AKAP6: variants seen among roughly 807,000 people sequenced by gnomAD.
AKAP6 encodes the protein A-kinase anchor protein 6.
AKAP6 carries 58 observed loss-of-function variants against 188.5 expected under a neutral mutation model. The observed-to-expected ratio is 0.31, with a 90% confidence interval of 0.25 to 0.38. The LOEUF is 0.38. Among genes scored for constraint, AKAP6 ranks in the 10% least tolerant of loss-of-function variants. The pLI is 1.00. For missense variants in AKAP6, 2,710 were observed against 2,740.0 expected, an observed-to-expected ratio of 0.99 and a Z score of 0.24; for synonymous variants, 989 against 998.6, an observed-to-expected ratio of 0.99 and a Z score of 0.18.
rs150110782 is a variant in AKAP6, at chr14:32,822,279, G to A, written c.4466G>A (p.Ser1489Asn). Reference sequence around the variant, plus strand: ...CCAATGATAATGAAACAGTCACAAAGCGAAAAAGCGCATGTGGAGGATCCC... The same window carrying A: ...CCAATGATAATGAAACAGTCACAAAACGAAAAAGCGCATGTGGAGGATCCC... ...KLPMIMKQSQ[S>N]EKAHVEDPLL... Residue 1489 changes from serine (S) to asparagine (N), a missense_variant, in exon 13 of 14, where the codon AGC (serine) becomes AAC (asparagine). Around this residue, in one of 2 missense-constraint regions of AKAP6, gnomAD observed 2,473 missense variants for 2,426.1 expected, o/e 1.02. Transcript: ENST00000280979. The A allele has an allele frequency of 1.4e-3, 2,201 of 1,613,748 alleles. 26 individuals are homozygous for A. In the African/African-American group the frequency reaches 0.025, roughly 19 times the overall value.
intron 7 of AKAP6, among the ~76,000 whole-genome samples, chr14:32,628,937 G>A (rs566003789): frequency 1.1e-4 from 17 of 152,120 alleles, no homozygotes; most frequent in Non-Finnish European, 1.8e-4. Context: ...TTTACCATTC[G>A]TGATTTATAA....
In AKAP6 at chr14:32,429,013, G is replaced by A. The variant is rs547209260; in HGVS notation, c.-34-4447G>A. Among the ~76,000 whole-genome samples the A allele has an allele frequency of 2.6e-5, 4 of 152,300 alleles. No individual in the cohort carries two copies. The East Asian group carries it at 7.7e-4, about 29-fold the overall frequency. On this transcript the variant is annotated intron_variant, in intron 1 of 13. Transcript: ENST00000280979. ...CAGCTGGGATAAAGGTGGTATTATC[G>A]CTAATGCTGGAAAGGTGGCCGCAGA...
intron 2 of AKAP6, among the ~76,000 whole-genome samples, chr14:32,499,626 GTAA>G (rs1213888992): frequency 6.6e-6 from 1 of 151,692 alleles, no homozygotes; most frequent in African/African-American, 2.4e-5. Context: ...TTTTGACACT[GTAA>G]TAATAATATT....
At chr14:32,760,349 A>T (rs1349410240) in intron 11 of AKAP6, among the ~76,000 whole-genome samples, 1 of 152,234 alleles carries the variant, frequency 6.6e-6, no homozygotes, top group Admixed American at 6.5e-5. Context: ...GTTATATAAT[A>T]TTTGATCCCA....
rs1216788649 is a variant in AKAP6, at chr14:32,540,131, G to GCTCTCTCT, written c.576+4357_576+4364dup. On this transcript the variant is annotated intron_variant, in intron 3 of 13. Coordinates refer to ENST00000280979, the MANE Select transcript of AKAP6 (RefSeq NM_004274.5). ...AAGGAGGGGTGTTCTTTGCTCGTGC[G>GCTCTCTCT]CTCTCTCTCTCTCTCTCTCTCTCTC... is the stretch of plus-strand genomic sequence containing the variant. 5.9e-3 allele frequency among the ~76,000 whole-genome samples: 392 copies of GCTCTCTCT among 66,384 alleles called. 6 individuals are homozygous for GCTCTCTCT. Among genetic ancestry groups the GCTCTCTCT allele is most frequent in the Middle Eastern group, 0.014 (1 of 70 alleles). The allele number at this position is 66,384 out of a possible 152,430, so 43.6% of individuals were successfully genotyped here.
At chr14:32,680,547 C>T (rs1889633097) in intron 8 of AKAP6, among the ~76,000 whole-genome samples, 2 of 152,154 alleles carry the variant, frequency 1.3e-5, no homozygotes, top group Admixed American at 6.6e-5. Context: ...CTTCATTCCA[C>T]ATGCATATAT....
At chr14:32,794,070 C>T (rs922641890) in intron 12 of AKAP6, among the ~76,000 whole-genome samples, 10 of 152,320 alleles carry the variant, frequency 6.6e-5, no homozygotes, top group African/African-American at 2.4e-4. Flanking sequence ...TGCTGCATGG[C>T]ACTTACTCTA....
Position 32,577,128 on chromosome 14 carries a change from A to G in AKAP6, c.2355A>G (p.Val785=). The G allele has an allele frequency of 6.2e-7, 1 of 1,608,802 alleles. No individual in the cohort carries two copies. The highest frequency in any genetic ancestry group is 8.5e-7 in the Non-Finnish European group (1 of 1,178,396). The change falls in exon 5 of 14, where the codon GTA becomes GTG. Residue 785 remains valine, a synonymous_variant. Coordinates refer to ENST00000280979, the MANE Select transcript of AKAP6 (RefSeq NM_004274.5). ...EAIWEKIEGF[V]NKLDEFIQWL... is the part of the protein sequence containing the mutation. ...TTCTTTCCTTTCACAAGGGGTTTGT[A>G]AACAAACTGGATGAATTCATTCAAT...
chr14:32,550,424 C>T (rs757855220), intron 4 of AKAP6, among the ~76,000 whole-genome samples: 1 of 152,194 alleles, frequency 6.6e-6, no homozygotes, highest in African/African-American at 2.4e-5. Context: ...GTTCCTTCCT[C>T]AGGCCAGCTG....
At chr14:32,525,283 G>C (rs1193706276) in intron 2 of AKAP6, among the ~76,000 whole-genome samples, 1 of 152,188 alleles carries the variant, frequency 6.6e-6, no homozygotes, top group Non-Finnish European at 1.5e-5. Context: ...AAATAAGTCA[G>C]AGCCTGGTAT....
At chr14:32,802,730 G>A (rs1468495755) in intron 12 of AKAP6, among the ~76,000 whole-genome samples, 1 of 152,122 alleles carries the variant, frequency 6.6e-6, no homozygotes, top group Non-Finnish European at 1.5e-5. Context: ...TTGGAAATAT[G>A]AATTTCTAAC....
intron 1 of AKAP6, among the ~76,000 whole-genome samples, chr14:32,411,441 G>A (rs1192145842): frequency 6.6e-6 from 1 of 152,122 alleles, no homozygotes; most frequent in Non-Finnish European, 1.5e-5. Context: ...TCCCAGTTTA[G>A]GGTAAGGTGT....
intron 5 of AKAP6, among the ~76,000 whole-genome samples, chr14:32,588,525 G>A (rs1425763724): frequency 6.6e-6 from 1 of 152,216 alleles, no homozygotes; most frequent in East Asian, 1.9e-4. Flanking sequence ...TGAAAAATGA[G>A]TGGCGTTTGT....
At chr14:32,757,808 C>A (rs956679770) in intron 11 of AKAP6, among the ~76,000 whole-genome samples, 1 of 152,106 alleles carries the variant, frequency 6.6e-6, no homozygotes, top group Admixed American at 6.5e-5. Context: ...TATGGAAGTG[C>A]ACAAGACATT....
chr14:32,799,190 C>G (rs981143836), intron 12 of AKAP6, among the ~76,000 whole-genome samples: 4 of 152,158 alleles, frequency 2.6e-5, no homozygotes, highest in Non-Finnish European at 4.4e-5. Context: ...TCCTTGCTCT[C>G]CTCCTTTTCA....
intron 2 of AKAP6, 158 bp downstream of exon 2, chr14:32,433,975 T>A: frequency 4.4e-6 from 3 of 678,290 alleles, no homozygotes; most frequent in Non-Finnish European, 7.2e-6. Context: ...TGGAAATAAT[T>A]AATTCTTCTC....
Position 32,599,072 on chromosome 14 carries a change from A to G in AKAP6, c.2470-338A>G, listed in dbSNP as rs1028302588. ...AAATAGTGCTATCACTAACATTTCT[A>G]AAAAATGAAGAAAAGAGCTCATATG... On this transcript the variant is annotated intron_variant, in intron 5 of 13. Transcript: ENST00000280979. 7.5e-4 allele frequency among the ~76,000 whole-genome samples: 114 copies of G among 152,136 alleles called. 6 individuals carry two copies. The highest frequency in any genetic ancestry group is 2.2e-4 in the Non-Finnish European group (15 of 68,010).
At chr14:32,472,829 G>A (rs1878854338) in intron 2 of AKAP6, among the ~76,000 whole-genome samples, 1 of 152,022 alleles carries the variant, frequency 6.6e-6, no homozygotes, top group African/African-American at 2.4e-5. Context: ...AACAACAGCT[G>A]GGTAATTTGA....
At chr14:32,652,275 C>T (rs1165576254) in intron 7 of AKAP6, among the ~76,000 whole-genome samples, 3 of 152,112 alleles carry the variant, frequency 2.0e-5, no homozygotes, top group South Asian at 2.1e-4. Context: ...TTCTTCTCCC[C>T]TTTTGTTCCC....
Sources: gnomAD v4.1 joint callset for allele counts (sites outside exome capture counted in the v4.1 genomes callset) on GRCh38, gnomAD v4.1.1 for gene constraint, gnomAD v4.1.1 regional missense constraint, MANE v1.5 for transcripts, NCBI Gene and HGNC (gene_info 2026-07-23, HGNC 2026-07-21) for gene names.